The following MACO1 variants were observed in gnomAD, a reference collection of about 807,000 sequenced individuals.
MACO1 encodes the protein macoilin.
MACO1 carries 14 observed loss-of-function variants against 78.7 expected under a neutral mutation model. The ratio of observed to expected loss-of-function variants is 0.18; its 90% confidence interval spans 0.12 to 0.28. The LOEUF (loss-of-function observed/expected upper bound fraction) is 0.28, where lower values mean the gene tolerates loss of function less well. Ranked by LOEUF, MACO1 falls within the 10% of genes least tolerant of loss-of-function variation. MACO1 has a pLI of 1.00. For synonymous variants in MACO1, 288 were observed against 291.6 expected (o/e 0.99, Z 0.12); for missense variants, 501 against 799.0 (o/e 0.63, Z 4.50).
intron 6 of MACO1, among the ~76,000 whole-genome samples, chr1:25,469,633 C>CTTTT (rs1222159978): frequency 1.0e-4 from 13 of 127,440 alleles, no homozygotes; most frequent in Non-Finnish European, 1.3e-4. Flanking sequence ...TAACCTCTGA[C>CTTTT]TTTTTTTTTT....
rs1446360256 is a variant in MACO1, at chr1:25,446,755, T to A, written c.81-7T>A. ...TTAAATTAATTCTTTATTTTTATAT[T>A]TTGCAGTACATTTTTATACCTGAAA... is the stretch of plus-strand genomic sequence containing the variant. On this transcript the variant is annotated splice_region_variant and splice_polypyrimidine_tract_variant and intron_variant, in intron 1 of 10. Coordinates refer to ENST00000374343, the MANE Select transcript of MACO1 (RefSeq NM_018202.6). 6.2e-7 allele frequency: 1 copy of A among 1,601,314 alleles called. No homozygotes were observed. Among genetic ancestry groups the A allele is most frequent in the Non-Finnish European group, 8.5e-7 (1 of 1,175,166 alleles).
At chr1:25,483,347 G>A (rs1290561904) in intron 6 of MACO1, among the ~76,000 whole-genome samples, 1 of 152,162 alleles carries the variant, frequency 6.6e-6, no homozygotes, top group Non-Finnish European at 1.5e-5. Flanking sequence ...CACTGCGCCT[G>A]GCCGATAGTT....
intron 6 of MACO1, among the ~76,000 whole-genome samples, chr1:25,461,267 C>T (rs1314112103): frequency 2.0e-5 from 3 of 151,396 alleles, no homozygotes; most frequent in African/African-American, 4.9e-5. Context: ...TACTACATGA[C>T]GAGTTAATGG....
At chr1:25,478,603 C>T (rs979303686) in intron 6 of MACO1, among the ~76,000 whole-genome samples, 21 of 152,180 alleles carry the variant, frequency 1.4e-4, no homozygotes, top group Admixed American at 3.9e-4. Context: ...TGGGTCCCAA[C>T]TCTTGCTGTG....
chr1:25,491,517 G>A lies in MACO1; in HGVS notation c.1725G>A (p.Glu575=), dbSNP rs750355548. The A allele has an allele frequency of 4.0e-5, 65 of 1,614,152 alleles. No individual in the cohort carries two copies. Among genetic ancestry groups the A allele is most frequent in the Non-Finnish European group, 5.5e-5 (65 of 1,180,056 alleles). The change falls in exon 10 of 11, where the codon GAG becomes GAA. Residue 575 remains glutamate, a synonymous_variant. Transcript: ENST00000374343. The part of the protein sequence containing the change: ...TQHLENSLSA[E]TRIKLDLFSA... Reference sequence around the variant, plus strand: ...ACCTGGAGAACAGCTTAAGTGCAGAGACGAGAATCAAGCTGGACCTGTTCT... The same window carrying A: ...ACCTGGAGAACAGCTTAAGTGCAGAAACGAGAATCAAGCTGGACCTGTTCT...
intron 1 of MACO1, among the ~76,000 whole-genome samples, chr1:25,438,863 C>T (rs1198756038): frequency 6.6e-6 from 1 of 151,902 alleles, no homozygotes; most frequent in African/African-American, 2.4e-5. Context: ...TGTGCCACTG[C>T]ACTCCAGCCT....
At chr1:25,487,783 GTTCTATCTGGCTTTGTGTGTATTGTC>G (rs1167877272) in intron 8 of MACO1, among the ~76,000 whole-genome samples, 9 of 152,198 alleles carry the variant, frequency 5.9e-5, no homozygotes, top group Non-Finnish European at 8.8e-5. Flanking sequence ...TACATGTTCA[GTTCTATCTGGCTTTGTGTGTATTGTC>G]TCAAGTCTCA....
chr1:25,444,490 AAAACTCTTAGTTTT>A (rs1207695873), intron 1 of MACO1, among the ~76,000 whole-genome samples: 5 of 152,162 alleles, frequency 3.3e-5, no homozygotes, highest in Admixed American at 3.3e-4. Flanking sequence ...CACAAGGAAA[AAAACTCTTAGTTTT>A]AAAGTCAAGC....
chr1:25,454,490 T>TATATATATATA lies in MACO1; in HGVS notation c.473+108_473+109insATATATATATA, dbSNP rs1303883838. 3.7e-3 allele frequency: 514 copies of TATATATATATA among 138,782 alleles called. 1 individual carries two copies. Among genetic ancestry groups the TATATATATATA allele is most frequent in the South Asian group, 9.7e-3 (17 of 1,758 alleles). 8.6% of individuals were successfully genotyped at this position (138,782 alleles called of 1,614,324 possible). ...TGTGTGTATATATATATATATATATTTTTTTTTTTTTTAGACGGAGTCTTG... is the reference window on the plus strand; with the variant it reads ...TGTGTGTATATATATATATATATATTATATATATATATTTTTTTTTTTTAGACGGAGTCTTG... On this transcript the variant is annotated intron_variant, in intron 4 of 10. Transcript: ENST00000374343.
intron 1 of MACO1, among the ~76,000 whole-genome samples, chr1:25,438,374 CTTGT>C (rs2042938142): frequency 6.6e-6 from 1 of 152,218 alleles, no homozygotes; most frequent in East Asian, 1.9e-4. Context: ...TTCTGTCTTA[CTTGT>C]AACTTTTCCA....
At chr1:25,460,922 T>C (rs1176956232) in intron 6 of MACO1, among the ~76,000 whole-genome samples, 2 of 152,170 alleles carry the variant, frequency 1.3e-5, no homozygotes, top group South Asian at 2.1e-4. Flanking sequence ...AGTAGGTTTA[T>C]AAGCTCCCAT....
chr1:25,450,004 G>A (rs1019496522), intron 3 of MACO1, among the ~76,000 whole-genome samples: 1 of 152,196 alleles, frequency 6.6e-6, no homozygotes, highest in African/African-American at 2.4e-5. Flanking sequence ...GGGTGACAGA[G>A]CGAGACTCCA....
At chr1:25,446,182 A>G (rs890616238) in intron 1 of MACO1, among the ~76,000 whole-genome samples, 1 of 152,152 alleles carries the variant, frequency 6.6e-6, no homozygotes, top group Non-Finnish European at 1.5e-5. Flanking sequence ...AGTGATTAGC[A>G]TCTGCTCCCT....
chr1:25,447,573 T>TAGA (rs2043027216), intron 2 of MACO1, among the ~76,000 whole-genome samples: 2 of 152,202 alleles, frequency 1.3e-5, no homozygotes, highest in Admixed American at 1.3e-4. Flanking sequence ...GTAAATCTCT[T>TAGA]TAATATTTGG....
intron 6 of MACO1, among the ~76,000 whole-genome samples, chr1:25,479,670 A>T (rs191584613): frequency 7.2e-5 from 11 of 152,256 alleles, no homozygotes; most frequent in African/African-American, 2.6e-4. Flanking sequence ...CAGCTTCCCA[A>T]AGTGCTGGGA....
intron 9 of MACO1, among the ~76,000 whole-genome samples, chr1:25,490,138 G>A (rs2043471974): frequency 6.6e-6 from 1 of 150,994 alleles, no homozygotes. Context: ...AAACATACAA[G>A]CAATGGGAAA....
At chr1:25,451,121 T>C (rs934345562) in intron 3 of MACO1, among the ~76,000 whole-genome samples, 1 of 152,188 alleles carries the variant, frequency 6.6e-6, no homozygotes, top group African/African-American at 2.4e-5. Context: ...AATAGCTAAG[T>C]TATGAAATAT....
In MACO1 at chr1:25,458,464, A is replaced by G. The variant is rs187655107; in HGVS notation, c.726A>G (p.Lys242=). Residue 242 remains lysine (K), a synonymous_variant, in exon 6 of 11, where the codon AAA becomes AAG. Coordinates refer to ENST00000374343, the MANE Select transcript of MACO1 (RefSeq NM_018202.6). ...ATGGAGGTATCCCAGCCAACAAAAA[A>G]CTCTCCACAACTTTGCCAGAGATAG... ...HHNGGIPANK[K]LSTTLPEIEY... is the part of the protein sequence containing the mutation. 2 of 1,613,522 alleles carry G rather than the reference A, an allele frequency of 1.2e-6. No individual in the cohort carries two copies. Among genetic ancestry groups the G allele is most frequent in the Non-Finnish European group, 1.7e-6 (2 of 1,179,862 alleles).
intron 6 of MACO1, among the ~76,000 whole-genome samples, chr1:25,471,853 AT>A (rs2043274418): frequency 6.6e-6 from 1 of 152,172 alleles, no homozygotes; most frequent in Admixed American, 6.5e-5. Context: ...TTTTCTTGGT[AT>A]TTCACAGAAA....
Sources: gnomAD v4.1 joint callset for allele counts (sites outside exome capture counted in the v4.1 genomes callset) on GRCh38, gnomAD v4.1.1 for gene constraint, MANE v1.5 for transcripts, NCBI Gene and HGNC (gene_info 2026-07-23, HGNC 2026-07-21) for gene names.